The following PPP2R2B variants were observed in gnomAD, a reference collection of about 807,000 sequenced individuals.
PPP2R2B encodes the protein protein phosphatase 2 regulatory subunit Bbeta.
Under a neutral mutation model 46.0 loss-of-function variants are expected in PPP2R2B, and 5 were observed. The observed-to-expected ratio is 0.11, with a 90% confidence interval of 0.06 to 0.23. PPP2R2B has a LOEUF of 0.23. Ranked by LOEUF, PPP2R2B falls within the 10% of genes least tolerant of loss-of-function variation. The probability of loss-of-function intolerance (pLI) is 1.00; values close to 1 mark genes in which losing one functional copy is unlikely to be tolerated. For missense variants in PPP2R2B, 367 were observed against 575.0 expected, an observed-to-expected ratio of 0.64 and a Z score of 3.70; for synonymous variants, 215 against 206.7, an observed-to-expected ratio of 1.04 and a Z score of -0.34.
intron 1 of PPP2R2B, among the ~76,000 whole-genome samples, chr5:147,015,544 C>T (rs1754966281): frequency 6.6e-6 from 1 of 151,554 alleles, no homozygotes; most frequent in African/African-American, 2.4e-5. Context: ...TCTCTGATTC[C>T]TCCAGCAGGA....
chr5:147,049,383 T>C (rs1756692262), intron 1 of PPP2R2B, among the ~76,000 whole-genome samples: 1 of 152,096 alleles, frequency 6.6e-6, no homozygotes, highest in South Asian at 2.1e-4. Context: ...GGGCTTTTTT[T>C]TTAGGAGGGA....
At chr5:146,718,689 T>C (rs924607417) in intron 2 of PPP2R2B, among the ~76,000 whole-genome samples, 5 of 152,194 alleles carry the variant, frequency 3.3e-5, no homozygotes, top group Non-Finnish European at 7.3e-5. Flanking sequence ...CTCCACCCTT[T>C]CAATTTGCAG....
At chr5:146,874,382 C>A (rs979619410) in intron 2 of PPP2R2B, among the ~76,000 whole-genome samples, 3 of 152,112 alleles carry the variant, frequency 2.0e-5, no homozygotes, top group African/African-American at 7.2e-5. Context: ...TATGTATAAA[C>A]AAGACAGTTT....
intron 7 of PPP2R2B, among the ~76,000 whole-genome samples, chr5:146,632,567 C>T (rs967259821): frequency 7.9e-5 from 12 of 152,016 alleles, no homozygotes; most frequent in Admixed American, 2.0e-4. Context: ...AGATAAAGTC[C>T]CTGTCTTCAT....
chr5:147,038,294 G>A (rs1756135056), intron 1 of PPP2R2B, among the ~76,000 whole-genome samples: 1 of 152,078 alleles, frequency 6.6e-6, no homozygotes, highest in South Asian at 2.1e-4. Flanking sequence ...AACATGAATG[G>A]GTGATAAAAG....
intron 1 of PPP2R2B, among the ~76,000 whole-genome samples, chr5:147,006,506 C>T (rs984118542): frequency 1.3e-5 from 2 of 152,150 alleles, no homozygotes; most frequent in African/African-American, 2.4e-5. Context: ...TCCATCAATG[C>T]AGGGGCATAC....
intron 1 of PPP2R2B, among the ~76,000 whole-genome samples, chr5:147,023,541 C>T (rs896822314): frequency 2.0e-5 from 3 of 151,992 alleles, no homozygotes; most frequent in Non-Finnish European, 4.4e-5. Flanking sequence ...AGAAAAAGAC[C>T]TATGATGTAA....
chr5:146,616,122 A>C (rs147513568), intron 7 of PPP2R2B, among the ~76,000 whole-genome samples: 3,222 of 152,312 alleles, frequency 0.021, 105 homozygotes, highest in African/African-American at 0.073. Flanking sequence ...TGCCAAGAAC[A>C]TACACTGGGG....
intron 1 of PPP2R2B, among the ~76,000 whole-genome samples, chr5:147,055,217 G>T (rs548894584): frequency 1.4e-3 from 214 of 152,298 alleles, no homozygotes; most frequent in Middle Eastern, 3.4e-3. Flanking sequence ...ACTCCACAGT[G>T]ATGTACTAAG....
At chr5:147,079,268 C>G (rs543749647) in intron 2 of PPP2R2B, among the ~76,000 whole-genome samples, 1 of 150,972 alleles carries the variant, frequency 6.6e-6, no homozygotes, top group South Asian at 2.1e-4. Flanking sequence ...GAAATCTGCT[C>G]TCCCATGTTT....
At chr5:146,776,796 G>A (rs1755209502) in intron 2 of PPP2R2B, among the ~76,000 whole-genome samples, 1 of 151,810 alleles carries the variant, frequency 6.6e-6, no homozygotes, top group Non-Finnish European at 1.5e-5. Context: ...TTATAACTCA[G>A]CAACAAAAAG....
chr5:147,036,070 G>A (rs575289767), intron 1 of PPP2R2B, among the ~76,000 whole-genome samples: 15 of 152,206 alleles, frequency 9.9e-5, no homozygotes, highest in African/African-American at 3.1e-4. Flanking sequence ...ATAGGTAAAC[G>A]TGTACCATGG....
At chr5:146,813,978 G>C (rs1250490437) in intron 2 of PPP2R2B, among the ~76,000 whole-genome samples, 1 of 152,140 alleles carries the variant, frequency 6.6e-6, no homozygotes, top group Non-Finnish European at 1.5e-5. Flanking sequence ...AGGAGAAAAG[G>C]GAAGTAAAAT....
In PPP2R2B at chr5:146,927,975, C is replaced by T. The variant is rs1763837654; in HGVS notation, c.79+127690G>A. Among the ~76,000 whole-genome samples the T allele has an allele frequency of 3.9e-5, 6 of 152,130 alleles. No individual in the cohort carries two copies. In the South Asian group the frequency reaches 1.2e-3, roughly 32 times the overall value. On this transcript the variant is annotated intron_variant, in intron 1 of 8. Coordinates refer to the PPP2R2B transcript ENST00000336640. ...CAGGCTGGTCTCCAACTCCTGACCT[C>T]GTGATCCACCCGCCTTGGCCTCCCA...
intron 2 of PPP2R2B, among the ~76,000 whole-genome samples, chr5:146,747,285 A>G (rs1217349403): frequency 1.3e-5 from 2 of 152,190 alleles, no homozygotes; most frequent in African/African-American, 4.8e-5. Flanking sequence ...CAGATGGATC[A>G]TGACAACTGG....
At chr5:146,703,039 C>A (rs1165992646) in intron 2 of PPP2R2B, among the ~76,000 whole-genome samples, 1 of 152,226 alleles carries the variant, frequency 6.6e-6, no homozygotes, top group African/African-American at 2.4e-5. Flanking sequence ...CCCATCTTAG[C>A]AAACTACTCC....
intron 7 of PPP2R2B, 70 bp downstream of exon 7, chr5:146,638,181 C>T (rs1774946092): frequency 1.3e-6 from 2 of 1,506,132 alleles, no homozygotes; most frequent in African/African-American, 1.4e-5. Flanking sequence ...AGATCATAAG[C>T]TTCCAGGCTC....
chr5:146,915,191 G>T (rs913256079), intron 1 of PPP2R2B, among the ~76,000 whole-genome samples: 6 of 151,888 alleles, frequency 4.0e-5, no homozygotes, highest in African/African-American at 9.7e-5. Context: ...ATCTAATTTT[G>T]CCTCTTGAAA....
At chr5:146,843,048 G>A (rs879390460) in intron 2 of PPP2R2B, among the ~76,000 whole-genome samples, 9 of 152,322 alleles carry the variant, frequency 5.9e-5, no homozygotes, top group Middle Eastern at 3.4e-3. Flanking sequence ...ATTAGCTGGC[G>A]TGATGGCGCA....
Sources: gnomAD v4.1 joint callset for allele counts (sites outside exome capture counted in the v4.1 genomes callset) on GRCh38, gnomAD v4.1.1 for gene constraint, MANE v1.5 for transcripts, NCBI Gene and HGNC (gene_info 2026-07-23, HGNC 2026-07-21) for gene names.